SFMBT1: variants seen among roughly 807,000 people sequenced by gnomAD.
The protein encoded by SFMBT1 is Scm like with four mbt domains 1.
SFMBT1 carries 32 observed loss-of-function variants against 108.7 expected under a neutral mutation model. That is an observed-to-expected ratio of 0.29 (90% CI 0.22 to 0.40). The LOEUF (loss-of-function observed/expected upper bound fraction) is 0.40. Among genes scored for constraint, SFMBT1 ranks in the 10% least tolerant of loss-of-function variants. The pLI, the probability that SFMBT1 is intolerant of heterozygous loss-of-function variation, is 1.00. For synonymous variants in SFMBT1, 348 were observed against 369.5 expected (o/e 0.94, Z 0.67); for missense variants, 816 against 1,059.6 (o/e 0.77, Z 3.19).
At chr3:53,033,516 A>G (rs973739375) in intron 1 of SFMBT1, among the ~76,000 whole-genome samples, 1 of 151,968 alleles carries the variant, frequency 6.6e-6, no homozygotes, top group African/African-American at 2.4e-5. Context: ...CCTCAACTAC[A>G]AGCTTTTATC....
chr3:52,963,742 G>A (rs556904365), intron 2 of SFMBT1, among the ~76,000 whole-genome samples: 5 of 152,238 alleles, frequency 3.3e-5, no homozygotes, highest in South Asian at 4.1e-4. Flanking sequence ...GTGAGCCACC[G>A]GGTCTGGCCT....
intron 1 of SFMBT1, among the ~76,000 whole-genome samples, chr3:53,032,141 G>A (rs554894968): frequency 3.9e-5 from 6 of 152,298 alleles, no homozygotes; most frequent in East Asian, 3.9e-4. Flanking sequence ...AGCCCAAGGC[G>A]AGTGGAATGT....
At chr3:53,008,607 T>C (rs958514380) in intron 1 of SFMBT1, among the ~76,000 whole-genome samples, 2 of 150,504 alleles carry the variant, frequency 1.3e-5, no homozygotes, top group Non-Finnish European at 3.0e-5. Flanking sequence ...GTTCATCACA[T>C]ACAAATTTCA....
intron 1 of SFMBT1, among the ~76,000 whole-genome samples, chr3:53,011,509 G>A: frequency 6.6e-6 from 1 of 152,170 alleles, no homozygotes; most frequent in Non-Finnish European, 1.5e-5. Context: ...CTCAGTTAAA[G>A]GGCAGTTAGG....
At chr3:52,992,331 G>T (rs1246725264) in intron 1 of SFMBT1, among the ~76,000 whole-genome samples, 2 of 152,140 alleles carry the variant, frequency 1.3e-5, no homozygotes, top group Non-Finnish European at 2.9e-5. Flanking sequence ...AATACAAAGG[G>T]TAAGTGTTTG....
chr3:53,008,069 C>CA (rs11403096), intron 1 of SFMBT1, among the ~76,000 whole-genome samples: 73,946 of 142,148 alleles, frequency 0.52, 19,160 homozygotes, highest in Middle Eastern at 0.63. Context: ...CCCACCCCCG[C>CA]AAAAAAAAAA....
chr3:52,961,668 C>T (rs1267641486), intron 2 of SFMBT1, among the ~76,000 whole-genome samples: 10 of 152,272 alleles, frequency 6.6e-5, no homozygotes, highest in South Asian at 2.1e-4. Flanking sequence ...ATGCTAGGCA[C>T]ATGATTGTTT....
intron 1 of SFMBT1, among the ~76,000 whole-genome samples, chr3:53,018,393 C>G (rs948452452): frequency 1.3e-5 from 2 of 152,104 alleles, no homozygotes; most frequent in Admixed American, 6.5e-5. Flanking sequence ...AAAGGAAAAT[C>G]CCTTCCCTGA....
At chr3:52,975,725 C>T (rs931108061) in intron 1 of SFMBT1, among the ~76,000 whole-genome samples, 9 of 152,134 alleles carry the variant, frequency 5.9e-5, no homozygotes, top group Non-Finnish European at 1.3e-4. Context: ...CCTTAGCCTC[C>T]TAAGTAACTG....
intron 17 of SFMBT1, 84 bp downstream of exon 17, chr3:52,910,919 T>G (rs1438503165): frequency 7.8e-7 from 1 of 1,275,374 alleles, no homozygotes; most frequent in East Asian, 2.3e-5. Context: ...CTGCTATATA[T>G]GAATGTCTGT....
At chr3:52,919,893 T>C (rs1211788397) in intron 12 of SFMBT1, among the ~76,000 whole-genome samples, 1 of 152,230 alleles carries the variant, frequency 6.6e-6, no homozygotes, top group African/African-American at 2.4e-5. Context: ...AAAATTCACA[T>C]TGAAACTTAT....
chr3:53,000,038 AT>A (rs1384729150), intron 1 of SFMBT1, among the ~76,000 whole-genome samples: 4 of 149,554 alleles, frequency 2.7e-5, no homozygotes, highest in Non-Finnish European at 6.0e-5. Flanking sequence ...AATTTTTTGT[AT>A]TTTTAGTAGA....
At chr3:53,023,023 C>T (rs1408853516) in intron 1 of SFMBT1, among the ~76,000 whole-genome samples, 2 of 152,116 alleles carry the variant, frequency 1.3e-5, no homozygotes, top group African/African-American at 2.4e-5. Context: ...TAATAAATAG[C>T]TTATTAATAA....
chr3:52,941,507 C>G (rs188432343), intron 4 of SFMBT1, among the ~76,000 whole-genome samples: 1 of 141,074 alleles, frequency 7.1e-6, no homozygotes, highest in Non-Finnish European at 1.5e-5. Context: ...GGGAGGAGAA[C>G]TGCTTGAACC....
chr3:52,950,978 G>A, intron 3 of SFMBT1, among the ~76,000 whole-genome samples: 1 of 151,160 alleles, frequency 6.6e-6, no homozygotes. Flanking sequence ...TTTTAAGTTA[G>A]TCAAGCATGG....
At chr3:52,917,196 T>C (rs1702383199) in intron 13 of SFMBT1, among the ~76,000 whole-genome samples, 2 of 152,224 alleles carry the variant, frequency 1.3e-5, no homozygotes, top group Non-Finnish European at 2.9e-5. Flanking sequence ...ACCCACATAG[T>C]TACAAAGGTT....
intron 1 of SFMBT1, among the ~76,000 whole-genome samples, chr3:53,027,029 C>T (rs1206176746): frequency 1.3e-5 from 2 of 152,164 alleles, no homozygotes; most frequent in African/African-American, 4.8e-5. Context: ...CTAATCCTCC[C>T]TCCTTGGCCT....
intron 1 of SFMBT1, among the ~76,000 whole-genome samples, chr3:53,026,961 T>TG (rs1285134986): frequency 6.6e-6 from 1 of 152,138 alleles, no homozygotes; most frequent in African/African-American, 2.4e-5. Flanking sequence ...TTTTCAATTT[T>TG]TTGTAGAGAT....
At chr3:52,906,357 A>G in intron 19 of SFMBT1, 116 bp from the exon 20 acceptor site, 1 of 1,497,956 alleles carries the variant, frequency 6.7e-7, no homozygotes, top group Non-Finnish European at 9.1e-7. Flanking sequence ...GTCTTAGGAC[A>G]TGATTTCTCC....
Sources: gnomAD v4.1 joint callset for allele counts (sites outside exome capture counted in the v4.1 genomes callset) on GRCh38, gnomAD v4.1.1 for gene constraint, MANE v1.5 for transcripts, NCBI Gene and HGNC (gene_info 2026-07-23, HGNC 2026-07-21) for gene names.